The following POLE variants were observed in gnomAD, a reference collection of about 807,000 sequenced individuals.
The protein encoded by POLE is DNA polymerase epsilon catalytic subunit A.
Under a neutral mutation model 279.2 loss-of-function variants are expected in POLE, and 188 were observed. The ratio of observed to expected loss-of-function variants is 0.67; its 90% confidence interval spans 0.60 to 0.76. The LOEUF (loss-of-function observed/expected upper bound fraction) is 0.76, where lower values mean the gene tolerates loss of function less well. POLE is among the 30% of genes least tolerant of loss of function. POLE has a pLI of 0.00. For missense variants in POLE, 2,703 were observed against 3,016.7 expected, an observed-to-expected ratio of 0.90 and a Z score of 2.44; for synonymous variants, 1,214 against 1,172.5, an observed-to-expected ratio of 1.04 and a Z score of -0.72.
intron 21 of POLE, 120 bp downstream of exon 21, chr12:132,665,182 C>A (rs1307359655): frequency 3.6e-6 from 4 of 1,117,268 alleles, no homozygotes; most frequent in Non-Finnish European, 5.2e-6. Flanking sequence ...CCTTCTCCCT[C>A]CAACATTCCT....
At position 132,664,528 on chromosome 12, in the gene POLE, TGAG is replaced by T; in HGVS notation, c.2469-69_2469-67del. The T allele has an allele frequency of 3.3e-6, 4 of 1,213,284 alleles. No individual in the cohort carries two copies. Among genetic ancestry groups the T allele is most frequent in the Admixed American group, 3.4e-5 (2 of 57,988 alleles). The allele number at this position is 1,213,284 out of a possible 1,614,324, so 75.2% of individuals were successfully genotyped here. A position where few individuals can be genotyped will look rare whatever the true frequency, so the allele number is the denominator to read the frequency against. ...CTCCTCCAGGGGGTATCAGAGGCAG[TGAG>T]GAGTAGGGAGGAGGAAAGGAGAGAT... On this transcript the variant is annotated intron_variant, in intron 21 of 48. Coordinates refer to ENST00000320574, the MANE Select transcript of POLE (RefSeq NM_006231.4). The surrounding 1 kb of genome is among the most constrained non-coding windows in gnomAD (Gnocchi z 5.3).
intron 20 of POLE, among the ~76,000 whole-genome samples, chr12:132,665,806 C>A (rs980121599): frequency 2.0e-5 from 3 of 152,142 alleles, no homozygotes; most frequent in African/African-American, 7.2e-5. Flanking sequence ...AAATTCCCCA[C>A]CCAACATGAG....
chr12:132,626,967 C>G (rs1341756719), intron 45 of POLE, among the ~76,000 whole-genome samples: 2 of 152,202 alleles, frequency 1.3e-5, no homozygotes, highest in Non-Finnish European at 2.9e-5. Context: ...ATTTTTGGCT[C>G]ACGCTTGTTT....
chr12:132,629,045 G>T (rs887923192), intron 45 of POLE, among the ~76,000 whole-genome samples: 2 of 152,190 alleles, frequency 1.3e-5, no homozygotes, highest in African/African-American at 4.8e-5. Flanking sequence ...ATAGCCTCAT[G>T]AAATATATTT....
Position 132,624,144 on chromosome 12 carries a change from G to A in POLE, c.*553C>T. 4.6e-6 allele frequency: 1 copy of A among 216,210 alleles called. No individual in the cohort carries two copies. Among genetic ancestry groups the A allele is most frequent in the Admixed American group, 5.5e-5 (1 of 18,042 alleles). The allele number at this position is 216,210 out of a possible 1,614,324, so 13.4% of individuals were successfully genotyped here. Reference sequence around the variant, plus strand: ...ACAAGCCAAAATCCAGATTCTCACGGGTTAGGGTCTGGATTCCTGGGGAAA... The same window carrying A: ...ACAAGCCAAAATCCAGATTCTCACGAGTTAGGGTCTGGATTCCTGGGGAAA... On this transcript the variant is annotated 3_prime_UTR_variant, in exon 49 of 49. Coordinates refer to ENST00000320574, the MANE Select transcript of POLE (RefSeq NM_006231.4).
chr12:132,643,192 C>T, intron 35 of POLE, 32 bp downstream of exon 35: 1 of 1,601,832 alleles, frequency 6.2e-7, no homozygotes, highest in Non-Finnish European at 8.5e-7. Context: ...CTGCCCCAGC[C>T]AATGTGCTGC....
At chr12:132,662,838 A>G (rs1038383139) in intron 23 of POLE, among the ~76,000 whole-genome samples, 8 of 152,224 alleles carry the variant, frequency 5.3e-5, no homozygotes, top group African/African-American at 1.4e-4. Flanking sequence ...CTCCGGTCCT[A>G]TGAACAATAA....
Position 132,682,291 on chromosome 12 carries a change from C to CAAA in POLE, c.63-1015_63-1013dup, listed in dbSNP as rs759276322. On this transcript the variant is annotated intron_variant, in intron 1 of 48. Transcript: ENST00000320574. Reference sequence around the variant, plus strand: ...CCTGGGCAGCAGAGCGAGACTCCGGCAAAAAAAAAAAAATAAATAAAAATA... The same window carrying CAAA: ...CCTGGGCAGCAGAGCGAGACTCCGGCAAAAAAAAAAAAAAAATAAATAAAAATA... 4.2e-3 allele frequency among the ~76,000 whole-genome samples: 500 copies of CAAA among 120,422 alleles called. 4 individuals are homozygous for CAAA. The highest frequency in any genetic ancestry group is 0.016 in the African/African-American group (480 of 29,150). 79.0% of individuals were successfully genotyped at this position (120,422 alleles called of 152,430 possible).
intron 33 of POLE, 123 bp from the exon 34 acceptor site, chr12:132,643,683 CT>C (rs2042208861): frequency 1.3e-6 from 2 of 1,491,528 alleles, no homozygotes; most frequent in South Asian, 2.4e-5. Flanking sequence ...CCAAAGGCCA[CT>C]TTTGGCAGAC....
chr12:132,674,019 G>A (rs2042988863), intron 12 of POLE, among the ~76,000 whole-genome samples: 1 of 152,062 alleles, frequency 6.6e-6, no homozygotes, highest in African/African-American at 2.4e-5. Flanking sequence ...CCTCTCCCCA[G>A]ACCTCAGGTC....
chr12:132,671,062 AAAG>A (rs771081201), intron 16 of POLE, among the ~76,000 whole-genome samples: 1 of 151,680 alleles, frequency 6.6e-6, no homozygotes, highest in Non-Finnish European at 1.5e-5. Flanking sequence ...CAGGAGTTCG[AAAG>A]CAGCCTGGCC....
intron 41 of POLE, among the ~76,000 whole-genome samples, chr12:132,636,813 AGGAG>A (rs1418468240): frequency 6.6e-6 from 1 of 152,228 alleles, no homozygotes; most frequent in African/African-American, 2.4e-5. Context: ...AGAGGAAGGA[AGGAG>A]GAACATCCTA....
Position 132,623,933 on chromosome 12 carries a change from G to A in POLE, c.*764C>T, listed in dbSNP as rs1006042755. ...TCTCGTCTGGGGTGTCTGCATTTCTGATTTACATTTCATACTTGTTTGGTG... is the reference window on the plus strand; with the variant it reads ...TCTCGTCTGGGGTGTCTGCATTTCTAATTTACATTTCATACTTGTTTGGTG... On this transcript the variant is annotated 3_prime_UTR_variant, in exon 49 of 49. Coordinates refer to ENST00000320574, the MANE Select transcript of POLE (RefSeq NM_006231.4). The A allele has an allele frequency of 2.1e-5, 4 of 189,294 alleles. No individual in the cohort carries two copies. Among genetic ancestry groups the A allele is most frequent in the Non-Finnish European group, 4.4e-5 (4 of 90,202 alleles). The allele number at this position is 189,294 out of a possible 1,614,324, so 11.7% of individuals were successfully genotyped here.
At chr12:132,627,536 C>G (rs2041861792) in intron 45 of POLE, among the ~76,000 whole-genome samples, 2 of 130,008 alleles carry the variant, frequency 1.5e-5, no homozygotes, top group East Asian at 2.4e-4. Flanking sequence ...TGGGCTCAAA[C>G]AGTCAACCCA....
At position 132,668,617 on chromosome 12, in the gene POLE, C is replaced by T. The variant is rs377065635; in HGVS notation, c.2026+18G>A. On this transcript the variant is annotated intron_variant, in intron 18 of 48. Coordinates refer to ENST00000320574, the MANE Select transcript of POLE (RefSeq NM_006231.4). This position sits in a 1 kb window ranked among gnomAD's most constrained non-coding sequence, Gnocchi z 4.0. ...ACCCGTTTCCCACCGAGTGCCCACCCAGGCGGCCGACACTCACTGAACTCG... is the reference window on the plus strand; with the variant it reads ...ACCCGTTTCCCACCGAGTGCCCACCTAGGCGGCCGACACTCACTGAACTCG... The T allele has an allele frequency of 1.9e-5, 30 of 1,603,160 alleles. No homozygotes were observed. Among genetic ancestry groups the T allele is most frequent in the Non-Finnish European group, 2.4e-5 (28 of 1,171,340 alleles).
intron 45 of POLE, among the ~76,000 whole-genome samples, chr12:132,630,627 T>G (rs192246675): frequency 1.0e-3 from 156 of 152,260 alleles, no homozygotes; most frequent in African/African-American, 3.5e-3. Context: ...GGCAGGCACC[T>G]GTAATCCCAG....
rs5745037 is a variant in POLE at position 132,631,759 on chromosome 12, C to T, written c.6330+556G>A. 5.5e-3 allele frequency among the ~76,000 whole-genome samples: 844 copies of T among 152,300 alleles called. 9 individuals are homozygous for T. The highest frequency in any genetic ancestry group is 0.019 in the African/African-American group (790 of 41,550). On this transcript the variant is annotated intron_variant, in intron 45 of 48. Transcript: ENST00000320574. ...TCCAGCCTACTGGTCTCCGGTGACCCATCCTCCCAGCCGGTGGCACTGGGT... is the reference window on the plus strand; with the variant it reads ...TCCAGCCTACTGGTCTCCGGTGACCTATCCTCCCAGCCGGTGGCACTGGGT...
chr12:132,677,501 G>A (rs2136019203), intron 7 of POLE, 58 bp from the exon 8 acceptor site: 2 of 1,608,306 alleles, frequency 1.2e-6, no homozygotes, highest in East Asian at 2.2e-5. Flanking sequence ...CTATTCTTCT[G>A]TGGATTCACC....
At chr12:132,631,762 C>A (rs930437805) in intron 45 of POLE, among the ~76,000 whole-genome samples, 1 of 152,236 alleles carries the variant, frequency 6.6e-6, no homozygotes, top group African/African-American at 2.4e-5. Context: ...GGTGACCCAT[C>A]CTCCCAGCCG....
Sources: allele counts gnomAD v4.1 joint callset (sites outside exome capture counted in the v4.1 genomes callset), GRCh38; gene constraint gnomAD v4.1.1; non-coding constraint Gnocchi (gnomAD v3.1); transcripts MANE v1.5; gene names NCBI Gene and HGNC (gene_info 2026-07-23, HGNC 2026-07-21).